Variants in C2orf68 observed in about 807,000 individuals in gnomAD.
C2orf68 encodes the protein UPF0561 protein C2orf68.
A neutral mutation model predicts 19.1 loss-of-function variants in C2orf68; 15 were observed. That is an observed-to-expected ratio of 0.79 (90% CI 0.53 to 1.21). The LOEUF (loss-of-function observed/expected upper bound fraction) is 1.21, where lower values mean the gene tolerates loss of function less well. C2orf68 is among the 50% of genes most tolerant of loss of function. The pLI is 0.00. For missense variants in C2orf68, 242 were observed against 226.6 expected, an observed-to-expected ratio of 1.07 and a Z score of -0.44; for synonymous variants, 98 against 91.0, an observed-to-expected ratio of 1.08 and a Z score of -0.44.
rs369747469 is a variant in C2orf68, at chr2:85,608,987, C to A, written c.459G>T (p.Leu153Phe). The change falls in exon 4 of 4, where the codon TTG becomes TTT. Residue 153 changes from leucine (L) to phenylalanine (F), a missense_variant. Coordinates refer to ENST00000306336, the MANE Select transcript of C2orf68 (RefSeq NM_001013649.4). ...LDPPMREALK[L>F]RIQEEIAKRQ... ...GCTTTGCAATCTCCTCCTGGATACG[C>A]AACTTGAGGGCTTCTCGCATGGGTG... is the stretch of plus-strand genomic sequence containing the variant. 17 of 1,614,234 alleles carry A rather than the reference C, an allele frequency of 1.1e-5. No homozygotes were observed. In the African/African-American group the frequency reaches 2.1e-4, roughly 20 times the overall value.
chr2:85,609,096 G>GAA, intron 3 of C2orf68, 29 bp from the exon 4 acceptor site: 2 of 1,610,336 alleles, frequency 1.2e-6, no homozygotes, highest in Non-Finnish European at 1.7e-6. Context: ...AGAAGGCTCA[G>GAA]GGCCTGGCCT....
Position 85,606,577 on chromosome 2 carries a change from T to A in C2orf68, c.*2368A>T, listed in dbSNP as rs1172919456. 1.3e-5 allele frequency: 2 copies of A among 152,190 alleles called. No individual in the cohort carries two copies. The highest frequency in any genetic ancestry group is 2.9e-5 in the Non-Finnish European group (2 of 68,052). The allele number at this position is 152,190 out of a possible 1,614,324, so 9.4% of individuals were successfully genotyped here. A position where few individuals can be genotyped will look rare whatever the true frequency, so the allele number is the denominator to read the frequency against. On this transcript the variant is annotated 3_prime_UTR_variant, in exon 4 of 4. Coordinates refer to ENST00000306336, the MANE Select transcript of C2orf68 (RefSeq NM_001013649.4). ...GAAGGAAGCTTAATGCTTAATACAG[T>A]CACACTGCATAAATTAGCTTAGAAT...
chr2:85,611,940 A>C lies in C2orf68; in HGVS notation c.45T>G (p.Pro15=), dbSNP rs1673573204. 1.3e-6 allele frequency: 2 copies of C among 1,583,796 alleles called. No homozygotes were observed. The highest frequency in any genetic ancestry group is 1.4e-5 in the African/African-American group (1 of 73,082). ...PHPRPGHCCK[P]GGRLDMNHGF... is the part of the protein sequence containing the mutation. ...CGTGGTTCATGTCCAGCCGCCCCCC[A>C]GGCTTGCAGCAGTGCCCCGGCCGGG... The change falls in exon 1 of 4, where the codon CCT becomes CCG. Residue 15 remains proline, a synonymous_variant. Transcript: ENST00000306336.
Position 85,609,077 on chromosome 2 carries a change from G to T in C2orf68, c.379-10C>A. ...TTCCTGGGTCATCACCCTACGTGGA[G>T]GAAGAGTCAGAAGGCTCAGGGCCTG... On this transcript the variant is annotated splice_polypyrimidine_tract_variant and intron_variant, in intron 3 of 3. Coordinates refer to ENST00000306336, the MANE Select transcript of C2orf68 (RefSeq NM_001013649.4). 2 of 1,613,902 alleles carry T rather than the reference G, an allele frequency of 1.2e-6. No individual in the cohort carries two copies. Among genetic ancestry groups the T allele is most frequent in the Non-Finnish European group, 1.7e-6 (2 of 1,179,862 alleles).
At chr2:85,610,826 T>A (rs950857988) in intron 2 of C2orf68, 3 of 150,016 alleles carry the variant, frequency 2.0e-5, no homozygotes, top group African/African-American at 7.4e-5. Flanking sequence ...TGGCGCGATC[T>A]CGGCTCACTG....
At chr2:85,611,348 C>T in intron 2 of C2orf68, 1 of 1,440,430 alleles carries the variant, frequency 6.9e-7, no homozygotes, top group Non-Finnish European at 9.1e-7. Context: ...GTGCTGGTCG[C>T]TCATCGCTGT....
intron 2 of C2orf68, chr2:85,611,257 C>T: frequency 2.2e-6 from 3 of 1,351,304 alleles, no homozygotes; most frequent in Non-Finnish European, 2.8e-6. Flanking sequence ...CAAAAATTGA[C>T]CGTCATATAT....
intron 2 of C2orf68, chr2:85,610,970 A>G (rs1207839342): frequency 6.5e-6 from 1 of 152,908 alleles, no homozygotes; most frequent in Non-Finnish European, 1.5e-5. Flanking sequence ...CATGTTAGCC[A>G]GGATGGTCTC....
chr2:85,607,169 G>C lies in C2orf68; in HGVS notation c.*1776C>G, dbSNP rs1301912583. On this transcript the variant is annotated 3_prime_UTR_variant, in exon 4 of 4. Coordinates refer to ENST00000306336, the MANE Select transcript of C2orf68 (RefSeq NM_001013649.4). ...CAGGTGATCCAGCTGTGCGAAAACA[G>C]ACCTCAAATGTATTTCCAGACTAAA... The C allele has an allele frequency of 6.6e-6, 1 of 152,154 alleles. No homozygotes were observed. Among genetic ancestry groups the C allele is most frequent in the Non-Finnish European group, 1.5e-5 (1 of 68,048 alleles). The allele number at this position is 152,154 out of a possible 1,614,324, so 9.4% of individuals were successfully genotyped here.
chr2:85,608,903 G>T lies in C2orf68; in HGVS notation c.*42C>A. ...TAAATTCCCTGGGCAGAATTCTTCC[G>T]AGTGCAGTGAATCCAGCCTGGAGAG... On this transcript the variant is annotated 3_prime_UTR_variant, in exon 4 of 4. Transcript: ENST00000306336. The T allele has an allele frequency of 1.2e-6, 2 of 1,607,040 alleles. No individual in the cohort carries two copies. The highest frequency in any genetic ancestry group is 8.5e-7 in the Non-Finnish European group (1 of 1,174,486).
In C2orf68 at chr2:85,611,882, C is replaced by A; in HGVS notation, c.103G>T (p.Ala35Ser). ...FVHHIRRNQI[A>S]RDDYDKKVKQ... Reference sequence around the variant, plus strand: ...CGGCGCAGGGCGGGGCGGTACCGAGCGATCTGGTTCCGTCGGATATGGTGC... The same window carrying A: ...CGGCGCAGGGCGGGGCGGTACCGAGAGATCTGGTTCCGTCGGATATGGTGC... Residue 35 changes from alanine (A) to serine (S), a missense_variant, in exon 1 of 4, where the codon GCT becomes TCT. By Grantham distance (99) the Ala-to-Ser change is moderately conservative. Coordinates refer to ENST00000306336, the MANE Select transcript of C2orf68 (RefSeq NM_001013649.4). 6.3e-7 allele frequency: 1 copy of A among 1,596,430 alleles called. No individual in the cohort carries two copies. The highest frequency in any genetic ancestry group is 8.5e-7 in the Non-Finnish European group (1 of 1,176,722).
chr2:85,609,639 C>G, intron 2 of C2orf68, 53 bp from the exon 3 acceptor site: 1 of 1,604,520 alleles, frequency 6.2e-7, no homozygotes. Flanking sequence ...GCTGAAGGCC[C>G]TGTCCATAGA....
rs1558836083 is a variant in C2orf68, at chr2:85,606,307, G to C, written c.*2638C>G. Among the ~76,000 whole-genome samples, 1 of 152,212 alleles carries C rather than the reference G, an allele frequency of 6.6e-6. No individual in the cohort carries two copies. The highest frequency in any genetic ancestry group is 2.4e-5 in the African/African-American group (1 of 41,440). ...CACAGCACCGGACAGTGTTCTTTGGGACATCTCTGGGAAATGCTCTGGAAC... is the reference window on the plus strand; with the variant it reads ...CACAGCACCGGACAGTGTTCTTTGGCACATCTCTGGGAAATGCTCTGGAAC... On this transcript the variant is annotated 3_prime_UTR_variant, in exon 4 of 4. Coordinates refer to ENST00000306336, the MANE Select transcript of C2orf68 (RefSeq NM_001013649.4).
At position 85,606,979 on chromosome 2, in the gene C2orf68, G is replaced by C. The variant is rs1414390275; in HGVS notation, c.*1966C>G. ...TTTTTGTATTTTTAGTAGAGACGGG[G>C]TTTCTGTGTTAGCCAGGACGGTCTG... On this transcript the variant is annotated 3_prime_UTR_variant, in exon 4 of 4. Coordinates refer to ENST00000306336, the MANE Select transcript of C2orf68 (RefSeq NM_001013649.4). 6.6e-6 allele frequency: 1 copy of C among 151,996 alleles called. No individual in the cohort carries two copies. The highest frequency in any genetic ancestry group is 2.4e-5 in the African/African-American group (1 of 41,374). The allele number at this position is 151,996 out of a possible 1,614,324, so 9.4% of individuals were successfully genotyped here. A position where few individuals can be genotyped will look rare whatever the true frequency, so the allele number is the denominator to read the frequency against.
At position 85,606,075 on chromosome 2, in the gene C2orf68, A is replaced by G. The variant is rs1326959502; in HGVS notation, c.*2870T>C. On this transcript the variant is annotated 3_prime_UTR_variant, in exon 4 of 4. Coordinates refer to ENST00000306336, the MANE Select transcript of C2orf68 (RefSeq NM_001013649.4). ...TCAGTGACATCACCCATTGTGGCCG[A>G]GGAACCACAAAACCTTAAAATACAG... Among the ~76,000 whole-genome samples the G allele has an allele frequency of 1.3e-5, 2 of 152,242 alleles. No homozygotes were observed. Among genetic ancestry groups the G allele is most frequent in the Non-Finnish European group, 2.9e-5 (2 of 68,046 alleles).
chr2:85,609,657 C>T (rs1673376770), intron 2 of C2orf68, 71 bp from the exon 3 acceptor site: 2 of 1,566,796 alleles, frequency 1.3e-6, no homozygotes, highest in African/African-American at 1.4e-5. Context: ...AGAGATGCTG[C>T]AGGAAAATAT....
At chr2:85,611,141 A>G in intron 2 of C2orf68, 1 of 540,928 alleles carries the variant, frequency 1.8e-6, no homozygotes, top group Non-Finnish European at 2.5e-6. Flanking sequence ...TCGGGAGGCT[A>G]AGGCTGCAGT....
rs1319014983 is a variant in C2orf68, at chr2:85,611,966, G to T, written c.19C>A (p.Pro7Thr). MEAGPH[P>T]RPGHCCKPGG... is the part of the protein sequence containing the mutation. ...GGCTTGCAGCAGTGCCCCGGCCGGG[G>T]ATGCGGCCCCGCCTCCATCAGGAGC... Residue 7 changes from proline to threonine, a missense_variant, in exon 1 of 4, where the codon CCC becomes ACC. By Grantham distance (38) the Pro-to-Thr change is conservative (BLOSUM62 -1). Coordinates refer to ENST00000306336, the MANE Select transcript of C2orf68 (RefSeq NM_001013649.4). 4 of 1,539,722 alleles carry T rather than the reference G, an allele frequency of 2.6e-6. No individual in the cohort carries two copies. Among genetic ancestry groups the T allele is most frequent in the Admixed American group, 4.2e-5 (2 of 48,030 alleles).
Position 85,609,492 on chromosome 2 carries a change from G to A in C2orf68, c.321C>T (p.Leu107=). ...GSELEPSGHQ[L]FCLEYEADSG... ...TGTCTGCCTCGTATTCTAAGCAGAA[G>A]AGCTGATGGCCAGAAGGCTCCAGCT... Residue 107 remains leucine (L), a synonymous_variant, in exon 3 of 4, where the codon CTC becomes CTT. Coordinates refer to ENST00000306336, the MANE Select transcript of C2orf68 (RefSeq NM_001013649.4). The A allele has an allele frequency of 1.2e-6, 2 of 1,614,252 alleles. No homozygotes were observed. The highest frequency in any genetic ancestry group is 2.2e-5 in the East Asian group (1 of 44,888).
Sources: allele counts gnomAD v4.1 joint callset (sites outside exome capture counted in the v4.1 genomes callset), GRCh38; gene constraint gnomAD v4.1.1; transcripts MANE v1.5; gene names NCBI Gene and HGNC (gene_info 2026-07-23, HGNC 2026-07-21).